The following PPP3CA variants were observed in gnomAD, a reference collection of about 807,000 sequenced individuals.
PPP3CA encodes protein phosphatase 3 catalytic subunit alpha.
A neutral mutation model predicts 66.5 loss-of-function variants in PPP3CA; 14 were observed. That is an observed-to-expected ratio of 0.21 (90% CI 0.14 to 0.33). PPP3CA has a LOEUF of 0.33. Among genes scored for constraint, PPP3CA ranks in the 10% least tolerant of loss-of-function variants. The pLI, the probability that PPP3CA is intolerant of heterozygous loss-of-function variation, is 1.00. For synonymous variants in PPP3CA, 232 were observed against 226.2 expected (o/e 1.03, Z -0.23); for missense variants, 317 against 639.5 (o/e 0.50, Z 5.44).
chr4:101,286,155 AGG>A (rs1727841571), intron 1 of PPP3CA, among the ~76,000 whole-genome samples: 2 of 152,126 alleles, frequency 1.3e-5, no homozygotes, highest in Non-Finnish European at 2.9e-5. Context: ...TTGTTCTCCA[AGG>A]AGAATCAAAT....
At chr4:101,065,026 G>A (rs1307904086) in intron 8 of PPP3CA, among the ~76,000 whole-genome samples, 1 of 151,942 alleles carries the variant, frequency 6.6e-6, no homozygotes, top group Non-Finnish European at 1.5e-5. Flanking sequence ...TGTAGATAGT[G>A]TAGGCAATAC....
intron 9 of PPP3CA, among the ~76,000 whole-genome samples, chr4:101,061,963 C>T (rs1312635408): frequency 3.3e-5 from 5 of 151,928 alleles, no homozygotes; most frequent in African/African-American, 1.2e-4. Context: ...AAAAAATGTC[C>T]TTCTAGAATT....
chr4:101,314,617 C>G (rs1433364598), intron 1 of PPP3CA, among the ~76,000 whole-genome samples: 1 of 146,772 alleles, frequency 6.8e-6, no homozygotes, highest in East Asian at 2.0e-4. Context: ...AATGGTAACT[C>G]TTACTTGTTG....
intron 1 of PPP3CA, among the ~76,000 whole-genome samples, chr4:101,234,830 G>T (rs866798233): frequency 2.0e-5 from 3 of 151,640 alleles, no homozygotes; most frequent in African/African-American, 7.3e-5. Context: ...CTTAATCACA[G>T]CTTTTTTGCC....
At chr4:101,310,288 A>T (rs972984313) in intron 1 of PPP3CA, among the ~76,000 whole-genome samples, 1 of 152,228 alleles carries the variant, frequency 6.6e-6, no homozygotes, top group African/African-American at 2.4e-5. Flanking sequence ...CTTAATATTG[A>T]TCAACTTGAC....
At chr4:101,232,840 T>C (rs1312055405) in intron 1 of PPP3CA, among the ~76,000 whole-genome samples, 1 of 151,774 alleles carries the variant, frequency 6.6e-6, no homozygotes, top group Non-Finnish European at 1.5e-5. Flanking sequence ...TTAAAACTGA[T>C]GTTTTTCCAT....
chr4:101,203,057 G>A (rs1725018432), intron 1 of PPP3CA, among the ~76,000 whole-genome samples: 1 of 152,060 alleles, frequency 6.6e-6, no homozygotes, highest in South Asian at 2.1e-4. Flanking sequence ...GTGTTAAAGG[G>A]CATTATGGTA....
chr4:101,269,074 T>C lies in PPP3CA; in HGVS notation c.59-72958A>G, dbSNP rs200467167. Among the ~76,000 whole-genome samples, 12 of 152,168 alleles carry C rather than the reference T, an allele frequency of 7.9e-5. No homozygotes were observed. In the East Asian group the frequency reaches 1.9e-3, roughly 24 times the overall value. ...CATTTTTATTGTTATCTTTTAGCAA[T>C]GTTGTTCCCTGTCTTCAAAAATTTG... On this transcript the variant is annotated intron_variant, in intron 1 of 13. Transcript: ENST00000394854.
chr4:101,067,863 G>C (rs926568158), intron 8 of PPP3CA, among the ~76,000 whole-genome samples: 2 of 151,448 alleles, frequency 1.3e-5, no homozygotes, highest in African/African-American at 4.8e-5. Context: ...TTAAAGACCA[G>C]CTATCAAAAT....
At chr4:101,332,885 T>C (rs1168433484) in intron 1 of PPP3CA, among the ~76,000 whole-genome samples, 1 of 152,164 alleles carries the variant, frequency 6.6e-6, no homozygotes, top group Non-Finnish European at 1.5e-5. Flanking sequence ...CACACTGTGA[T>C]GCTGTCTCCC....
intron 1 of PPP3CA, among the ~76,000 whole-genome samples, chr4:101,202,046 T>A (rs1205918109): frequency 1.3e-5 from 2 of 152,110 alleles, no homozygotes; most frequent in Non-Finnish European, 2.9e-5. Flanking sequence ...TGGCAAAGTG[T>A]TAAACTGCAA....
intron 1 of PPP3CA, among the ~76,000 whole-genome samples, chr4:101,320,855 G>C (rs1729021097): frequency 6.6e-6 from 1 of 152,022 alleles, no homozygotes; most frequent in South Asian, 2.1e-4. Flanking sequence ...CTTATTCTGA[G>C]ATCTTTGTGA....
chr4:101,073,104 G>A (rs1317436233), intron 8 of PPP3CA, among the ~76,000 whole-genome samples: 2 of 151,906 alleles, frequency 1.3e-5, no homozygotes, highest in Admixed American at 6.6e-5. Flanking sequence ...CCTCTCTGCA[G>A]TGAATTTTAA....
chr4:101,152,251 G>A (rs1490597697), intron 2 of PPP3CA, among the ~76,000 whole-genome samples: 1 of 152,104 alleles, frequency 6.6e-6, no homozygotes. Context: ...TTAATATTTG[G>A]AAAATCATAT....
intron 1 of PPP3CA, among the ~76,000 whole-genome samples, chr4:101,341,208 C>CTCTTTTTCT (rs1553943709): frequency 7.4e-6 from 1 of 134,880 alleles, no homozygotes; most frequent in Non-Finnish European, 1.5e-5. Context: ...TTTTCTTTTT[C>CTCTTTTTCT]TTTTTTTTTT....
intron 1 of PPP3CA, among the ~76,000 whole-genome samples, chr4:101,289,786 G>A (rs893369343): frequency 2.6e-5 from 4 of 151,590 alleles, no homozygotes; most frequent in African/African-American, 9.7e-5. Flanking sequence ...TATGACTTCT[G>A]TGAATCTGTC....
In PPP3CA at chr4:101,061,142, A is replaced by G. The variant is rs761735016; in HGVS notation, c.1101T>C (p.Asn367=). 6.8e-6 allele frequency: 11 copies of G among 1,612,136 alleles called. No homozygotes were observed. In the South Asian group the frequency reaches 1.2e-4, roughly 18 times the overall value. The change falls in exon 10 of 14, where the codon AAT becomes AAC. Residue 367 remains asparagine (N), a synonymous_variant. Coordinates refer to ENST00000394854, the MANE Select transcript of PPP3CA (RefSeq NM_000944.5). ...VGEKVTEMLV[N]VLNICSDDEL... Reference sequence around the variant, plus strand: ...CATCATCTGAGCAGATGTTGAGGACATTTACCAGCATCTCAGTCACTAAAG... The same window carrying G: ...CATCATCTGAGCAGATGTTGAGGACGTTTACCAGCATCTCAGTCACTAAAG...
intron 2 of PPP3CA, among the ~76,000 whole-genome samples, chr4:101,187,243 T>G (rs1218267957): frequency 6.6e-6 from 1 of 152,090 alleles, no homozygotes; most frequent in Non-Finnish European, 1.5e-5. Context: ...TCTTCTTATT[T>G]CTGTCATTTT....
chr4:101,124,663 C>A (rs200045662), intron 2 of PPP3CA, among the ~76,000 whole-genome samples: 17 of 55,230 alleles, frequency 3.1e-4, no homozygotes, highest in Non-Finnish European at 5.9e-4. Flanking sequence ...GAGAGAGAGA[C>A]AGAAAGAAAG....
Sources: allele counts gnomAD v4.1 joint callset (sites outside exome capture counted in the v4.1 genomes callset), GRCh38; gene constraint gnomAD v4.1.1; transcripts MANE v1.5; gene names NCBI Gene and HGNC (gene_info 2026-07-23, HGNC 2026-07-21).